The following PHIP variants were observed in gnomAD, a reference collection of about 807,000 sequenced individuals.
PHIP encodes PH-interacting protein.
PHIP carries 54 observed loss-of-function variants against 236.8 expected under a neutral mutation model. The ratio of observed to expected loss-of-function variants is 0.23; its 90% confidence interval spans 0.18 to 0.29. The LOEUF (loss-of-function observed/expected upper bound fraction) is 0.29, where lower values mean the gene tolerates loss of function less well. Ranked by LOEUF, PHIP falls within the 10% of genes least tolerant of loss-of-function variation. The probability of loss-of-function intolerance (pLI) is 1.00; values close to 1 mark genes in which losing one functional copy is unlikely to be tolerated. For synonymous variants in PHIP, 756 were observed against 718.9 expected, an observed-to-expected ratio of 1.05 and a Z score of -0.83; for missense variants, 1,370 against 2,190.8, an observed-to-expected ratio of 0.63 and a Z score of 7.48.
intron 6 of PHIP, among the ~76,000 whole-genome samples, chr6:79,043,321 A>T (rs1466447301): frequency 6.6e-6 from 1 of 152,012 alleles, no homozygotes; most frequent in Non-Finnish European, 1.5e-5. Flanking sequence ...CTCTTTAAAA[A>T]CCTAAAGCAT....
chr6:79,070,992 G>A (rs1423601520), intron 4 of PHIP, among the ~76,000 whole-genome samples: 1 of 152,090 alleles, frequency 6.6e-6, no homozygotes, highest in Non-Finnish European at 1.5e-5. Context: ...CATCTGTACT[G>A]TCATGGATAA....
rs142375480 is a variant in PHIP, at chr6:79,027,724, T to C, written c.601-1560A>G. 9.3e-4 allele frequency among the ~76,000 whole-genome samples: 141 copies of C among 152,298 alleles called. 1 individual carries two copies. In the South Asian group the frequency reaches 0.012, roughly 13 times the overall value. The stretch of plus-strand genomic sequence containing the variant: ...CAGAGATTCAAACAAGGAAACAGTC[T>C]ACTTTTTCTGAGAGATGCAGAGGTA... On this transcript the variant is annotated intron_variant, in intron 7 of 39. Transcript: ENST00000275034.
At chr6:78,996,970 TATAA>T (rs887063321) in intron 19 of PHIP, among the ~76,000 whole-genome samples, 2 of 151,148 alleles carry the variant, frequency 1.3e-5, no homozygotes, top group African/African-American at 4.8e-5. Flanking sequence ...TACTTTTAAA[TATAA>T]ATATTTTAAT....
chr6:78,979,533 T>G (rs146841023), intron 23 of PHIP, among the ~76,000 whole-genome samples: 35 of 152,150 alleles, frequency 2.3e-4, no homozygotes, highest in Middle Eastern at 3.4e-3. Context: ...AAGCTGGACA[T>G]TACACTTCTA....
chr6:79,039,153 C>A (rs1582267260), intron 7 of PHIP, among the ~76,000 whole-genome samples: 1 of 152,258 alleles, frequency 6.6e-6, no homozygotes, highest in Middle Eastern at 3.4e-3. Context: ...TCTCCTCACT[C>A]TTCTAACCAC....
Position 79,052,890 on chromosome 6 carries a change from G to C in PHIP, c.439+7588C>G, listed in dbSNP as rs185393582. Among the ~76,000 whole-genome samples the C allele has an allele frequency of 7.6e-4, 116 of 152,154 alleles. 1 individual carries two copies. Among genetic ancestry groups the C allele is most frequent in the African/African-American group, 2.7e-3 (114 of 41,518 alleles). ...AACACATAAAGAATTTCACAGAGAA[G>C]GCAAAAAGGTGCTATATAAATGTGA... On this transcript the variant is annotated intron_variant, in intron 6 of 39. Coordinates refer to ENST00000275034, the MANE Select transcript of PHIP (RefSeq NM_017934.7).
chr6:78,977,268 T>C (rs1334721958), intron 24 of PHIP, among the ~76,000 whole-genome samples: 2 of 151,228 alleles, frequency 1.3e-5, no homozygotes, highest in African/African-American at 4.9e-5. Flanking sequence ...CAGTAAACTA[T>C]TGCAAGAACA....
chr6:78,948,124 T>C (rs1773929593), intron 35 of PHIP, among the ~76,000 whole-genome samples: 1 of 152,176 alleles, frequency 6.6e-6, no homozygotes, highest in Non-Finnish European at 1.5e-5. Context: ...CAAAACTTTA[T>C]ACTACTTATA....
At chr6:79,062,458 C>T (rs1290572948) in intron 4 of PHIP, among the ~76,000 whole-genome samples, 4 of 152,030 alleles carry the variant, frequency 2.6e-5, no homozygotes, top group Non-Finnish European at 4.4e-5. Flanking sequence ...AGGTTGCTTC[C>T]AGTTCTAAGC....
At chr6:79,004,871 A>G (rs996917873) in intron 15 of PHIP, among the ~76,000 whole-genome samples, 1 of 152,200 alleles carries the variant, frequency 6.6e-6, no homozygotes, top group African/African-American at 2.4e-5. Context: ...TGCAGAAGTT[A>G]AAATTCAGAA....
Position 78,946,052 on chromosome 6 carries a change from C to A in PHIP, c.4579G>T (p.Ala1527Ser), listed in dbSNP as rs756467331. 1.9e-6 allele frequency: 3 copies of A among 1,612,302 alleles called. No homozygotes were observed. The South Asian group carries it at 3.3e-5, about 18-fold the overall frequency. Residue 1527 changes from alanine (A) to serine (S), a missense_variant, in exon 38 of 40, where the codon GCA becomes TCA. By Grantham distance (99) the Ala-to-Ser change is moderately conservative. Coordinates refer to ENST00000275034, the MANE Select transcript of PHIP (RefSeq NM_017934.7). ...VTEQPSTSSAAKTFITKANAS... is the reference protein window; with the variant it reads ...VTEQPSTSSASKTFITKANAS... ...TTAGCTTTTGTAATAAAAGTCTTTG[C>A]AGCTGAAGAAGTAGATGGTTGCTCA... is the stretch of plus-strand genomic sequence containing the variant.
At position 79,026,014 on chromosome 6, in the gene PHIP, C is replaced by T. The variant is rs776176761; in HGVS notation, c.751G>A (p.Val251Ile). Residue 251 changes from valine to isoleucine, a missense_variant, in exon 8 of 40, where the codon GTC (valine) becomes ATC (isoleucine). Transcript: ENST00000275034. ...GGTGCACAGGTTCGAAGACACCAGA[C>T]TCGGATCATTTTATCACAACTTCCA... ...AAGSCDKMIR[V>I]WCLRTCAPLA... 5 of 1,614,082 alleles carry T rather than the reference C, an allele frequency of 3.1e-6. No homozygotes were observed. In the South Asian group the frequency reaches 4.4e-5, roughly 14 times the overall value.
At position 79,002,079 on chromosome 6, in the gene PHIP, G is replaced by T. The variant is rs1562169653; in HGVS notation, c.1699C>A (p.Arg567Ser). The part of the protein sequence containing the change: ...FFHSDYRPLI[R>S]DANNFVLDEQ... The stretch of plus-strand genomic sequence containing the variant: ...TCTAATACAAAATTGTTGGCATCAC[G>T]AATAAGTGGCCGATAATCACTATGA... The change falls in exon 17 of 40, where the codon CGT (arginine) becomes AGT (serine). Residue 567 changes from arginine (R) to serine (S), a missense_variant. Coordinates refer to ENST00000275034, the MANE Select transcript of PHIP (RefSeq NM_017934.7). 1 of 1,612,968 alleles carries T rather than the reference G, an allele frequency of 6.2e-7. No homozygotes were observed. Among genetic ancestry groups the T allele is most frequent in the Non-Finnish European group, 8.5e-7 (1 of 1,179,278 alleles).
At position 79,078,097 on chromosome 6, in the gene PHIP, G is replaced by A. The variant is rs769907357; in HGVS notation, c.-29C>T. ...TATGGGTCACTTCAGGGCCGCCGAC[G>A]GGACACCCCGCCGCCGAGGGGAAGC... On this transcript the variant is annotated 5_prime_UTR_variant, in exon 1 of 40. Coordinates refer to ENST00000275034, the MANE Select transcript of PHIP (RefSeq NM_017934.7). 1.9e-6 allele frequency: 3 copies of A among 1,604,802 alleles called. No homozygotes were observed. The highest frequency in any genetic ancestry group is 4.5e-5 in the East Asian group (2 of 44,156).
chr6:79,027,053 C>T (rs568211361), intron 7 of PHIP, among the ~76,000 whole-genome samples: 60 of 152,128 alleles, frequency 3.9e-4, no homozygotes, highest in African/African-American at 1.3e-3. Context: ...GAATGCTTAA[C>T]GACCTTCCAA....
intron 31 of PHIP, among the ~76,000 whole-genome samples, chr6:78,959,125 G>A (rs1169640766): frequency 6.6e-6 from 1 of 152,014 alleles, no homozygotes; most frequent in Non-Finnish European, 1.5e-5. Flanking sequence ...CTAACTAAAT[G>A]AGAATTATTT....
intron 23 of PHIP, among the ~76,000 whole-genome samples, chr6:78,979,023 A>G (rs574566926): frequency 3.9e-5 from 6 of 152,256 alleles, no homozygotes; most frequent in African/African-American, 7.2e-5. Flanking sequence ...TATTATAAAT[A>G]ATCTAGAAAT....
At chr6:78,966,182 A>G in intron 27 of PHIP, 126 bp from the exon 28 acceptor site, 1 of 622,870 alleles carries the variant, frequency 1.6e-6, no homozygotes, top group Non-Finnish European at 2.9e-6. Flanking sequence ...AGTGAACCAC[A>G]AACTCCAAAA....
rs1161511335 is a variant in PHIP, at chr6:78,937,294, TG to T, written c.*3398del. 1 of 151,762 alleles carries T rather than the reference TG, an allele frequency of 6.6e-6. No homozygotes were observed. The highest frequency in any genetic ancestry group is 6.6e-5 in the Admixed American group (1 of 15,242). 9.4% of individuals were successfully genotyped at this position (151,762 alleles called of 1,614,324 possible). The stretch of plus-strand genomic sequence containing the variant: ...TATGTATAAAATGGAATGTCAGAAT[TG>T]AAGTAAACATTGTTAACTGGAGAAA... On this transcript the variant is annotated 3_prime_UTR_variant, in exon 40 of 40. Coordinates refer to ENST00000275034, the MANE Select transcript of PHIP (RefSeq NM_017934.7).
Sources: allele counts gnomAD v4.1 joint callset (sites outside exome capture counted in the v4.1 genomes callset), GRCh38; gene constraint gnomAD v4.1.1; transcripts MANE v1.5; gene names NCBI Gene and HGNC (gene_info 2026-07-23, HGNC 2026-07-21).